Variants in NLGN1 observed in about 807,000 individuals in gnomAD.
The protein encoded by NLGN1 is neuroligin-1.
In NLGN1, 12 loss-of-function variants were observed where a neutral mutation model predicts 65.5. That is an observed-to-expected ratio of 0.18 (90% CI 0.12 to 0.30). The LOEUF is 0.30. Among genes scored for constraint, NLGN1 ranks in the 10% least tolerant of loss-of-function variants. The pLI is 1.00. For synonymous variants in NLGN1, 350 were observed against 359.5 expected (o/e 0.97, Z 0.30); for missense variants, 750 against 1,007.1 (o/e 0.74, Z 3.46).
intron 4 of NLGN1, among the ~76,000 whole-genome samples, chr3:174,134,877 T>C (rs981776528): frequency 1.3e-5 from 2 of 152,178 alleles, no homozygotes; most frequent in African/African-American, 4.8e-5. Flanking sequence ...CAGCAAATTT[T>C]TGGAAGCATA....
At chr3:174,273,899 TCA>T (rs1462189070) in intron 4 of NLGN1, among the ~76,000 whole-genome samples, 1 of 147,032 alleles carries the variant, frequency 6.8e-6, no homozygotes, top group African/African-American at 2.5e-5. Flanking sequence ...ATCCATATAT[TCA>T]GTTTGGTTAT....
rs915784847 is a variant in NLGN1 at position 173,447,524 on chromosome 3, C to G, written c.-321+12446C>G. ...GATGCCTCCAGCTTTGTTCTTTTGG[C>G]TTAGGATTGACTTGGCAATGCAGGC... On this transcript the variant is annotated intron_variant, in intron 2 of 6. Transcript: ENST00000457714. 4.3e-4 allele frequency among the ~76,000 whole-genome samples: 65 copies of G among 152,130 alleles called. 1 individual carries two copies. The highest frequency in any genetic ancestry group is 1.2e-4 in the Non-Finnish European group (8 of 68,024).
chr3:174,244,639 T>C (rs1220071875), intron 4 of NLGN1, among the ~76,000 whole-genome samples: 1 of 152,216 alleles, frequency 6.6e-6, no homozygotes, highest in Non-Finnish European at 1.5e-5. Flanking sequence ...CTACAAACAA[T>C]TGAGGTTGGG....
chr3:173,675,793 C>T (rs1238022446), intron 3 of NLGN1, among the ~76,000 whole-genome samples: 1 of 151,410 alleles, frequency 6.6e-6, no homozygotes, highest in Non-Finnish European at 1.5e-5. Flanking sequence ...GACACATGAG[C>T]CTGACTATGT....
intron 3 of NLGN1, among the ~76,000 whole-genome samples, chr3:173,670,502 T>G (rs922862337): frequency 6.6e-6 from 1 of 152,190 alleles, no homozygotes; most frequent in African/African-American, 2.4e-5. Flanking sequence ...TGCCATTTGC[T>G]AATTATAAGT....
chr3:173,584,142 A>T (rs1746861738), intron 2 of NLGN1, among the ~76,000 whole-genome samples: 1 of 151,928 alleles, frequency 6.6e-6, no homozygotes, highest in Admixed American at 6.6e-5. Context: ...TAAAACAAAG[A>T]AACATCAGAT....
At chr3:174,090,597 CATTT>C (rs1192777597) in intron 4 of NLGN1, among the ~76,000 whole-genome samples, 2 of 152,116 alleles carry the variant, frequency 1.3e-5, no homozygotes, top group Non-Finnish European at 2.9e-5. Flanking sequence ...GAAGGTTGGT[CATTT>C]GAGAACCAAA....
intron 4 of NLGN1, among the ~76,000 whole-genome samples, chr3:173,877,452 G>T (rs1449181314): frequency 6.6e-6 from 1 of 151,810 alleles, no homozygotes; most frequent in Non-Finnish European, 1.5e-5. Context: ...TAAATGAAAT[G>T]CAGGGTCCCA....
At chr3:173,696,286 A>G (rs996516905) in intron 3 of NLGN1, among the ~76,000 whole-genome samples, 3 of 152,180 alleles carry the variant, frequency 2.0e-5, no homozygotes, top group African/African-American at 7.2e-5. Flanking sequence ...TTTGATTTTT[A>G]TTTCTGCTTG....
intron 2 of NLGN1, among the ~76,000 whole-genome samples, chr3:173,506,064 A>G (rs146893467): frequency 0.017 from 2,526 of 152,220 alleles, 54 homozygotes; most frequent in Non-Finnish European, 0.02. Context: ...TAATGAAAAT[A>G]TACATTTTTG....
chr3:173,859,494 A>G (rs375297326), intron 4 of NLGN1, among the ~76,000 whole-genome samples: 25 of 152,198 alleles, frequency 1.6e-4, no homozygotes, highest in African/African-American at 6.0e-4. Context: ...GAATCTAGGA[A>G]AATATTTGTA....
At chr3:174,205,207 G>A (rs566607527) in intron 4 of NLGN1, among the ~76,000 whole-genome samples, 1 of 152,116 alleles carries the variant, frequency 6.6e-6, no homozygotes, top group African/African-American at 2.4e-5. Context: ...TTCCTCTTAA[G>A]AAAATTTAGA....
chr3:174,013,628 C>G (rs1242442737), intron 4 of NLGN1, among the ~76,000 whole-genome samples: 1 of 152,176 alleles, frequency 6.6e-6, no homozygotes, highest in African/African-American at 2.4e-5. Context: ...GCCTCACATA[C>G]ATTTGTTAAA....
At chr3:173,798,300 A>G (rs1221075566) in intron 3 of NLGN1, among the ~76,000 whole-genome samples, 4 of 152,192 alleles carry the variant, frequency 2.6e-5, no homozygotes, top group Admixed American at 2.0e-4. Flanking sequence ...GAATAAAACC[A>G]TAATTTCTAC....
At chr3:173,766,704 G>T (rs1778833696) in intron 3 of NLGN1, among the ~76,000 whole-genome samples, 1 of 152,144 alleles carries the variant, frequency 6.6e-6, no homozygotes, top group Admixed American at 6.5e-5. Flanking sequence ...GAATAGTACT[G>T]ATTCTGAAAT....
intron 4 of NLGN1, among the ~76,000 whole-genome samples, chr3:173,963,761 C>A (rs879562941): frequency 1.0e-3 from 155 of 152,242 alleles, no homozygotes; most frequent in Non-Finnish European, 2.0e-3. Context: ...ATACAAAGTT[C>A]AAAAGGTGTC....
intron 3 of NLGN1, among the ~76,000 whole-genome samples, chr3:173,766,868 G>A (rs768573242): frequency 1.2e-4 from 18 of 152,124 alleles, no homozygotes; most frequent in Non-Finnish European, 2.5e-4. Context: ...CTTATACAGA[G>A]TATCATTAAA....
At chr3:174,197,309 G>C (rs2152768774) in intron 4 of NLGN1, among the ~76,000 whole-genome samples, 1 of 151,932 alleles carries the variant, frequency 6.6e-6, no homozygotes, top group African/African-American at 2.4e-5. Context: ...ATTACAGGAA[G>C]GCTACAGAAC....
At chr3:174,180,247 A>T (rs1420279981) in intron 4 of NLGN1, among the ~76,000 whole-genome samples, 1 of 152,110 alleles carries the variant, frequency 6.6e-6, no homozygotes, top group African/African-American at 2.4e-5. Flanking sequence ...ATCACCTTCA[A>T]TGGTTCCCTC....
Sources: gnomAD v4.1 joint callset for allele counts (sites outside exome capture counted in the v4.1 genomes callset) on GRCh38, gnomAD v4.1.1 for gene constraint, MANE v1.5 for transcripts, NCBI Gene and HGNC (gene_info 2026-07-23, HGNC 2026-07-21) for gene names.